LYRM4: variants seen among roughly 807,000 people sequenced by gnomAD.
LYRM4 encodes LYR motif-containing protein 4.
Under a neutral mutation model 11.7 loss-of-function variants are expected in LYRM4, and 9 were observed. The observed-to-expected ratio is 0.77, with a 90% confidence interval of 0.46 to 1.34. The LOEUF (loss-of-function observed/expected upper bound fraction) is 1.34, where lower values mean the gene tolerates loss of function less well. Among genes scored for constraint, LYRM4 ranks in the 40% most tolerant of loss-of-function variants. The pLI is 0.00. For missense variants in LYRM4, 133 were observed against 112.5 expected (o/e 1.18, Z -0.82); for synonymous variants, 42 against 40.4 (o/e 1.04, Z -0.15).
chr6:5,253,635 G>A (rs1369123032), intron 1 of LYRM4, among the ~76,000 whole-genome samples: 2 of 152,100 alleles, frequency 1.3e-5, no homozygotes, highest in Non-Finnish European at 2.9e-5. Context: ...CAAAGGAGAC[G>A]AGAGCCTTGA....
chr6:5,155,252 G>C (rs1758345406), intron 2 of LYRM4, among the ~76,000 whole-genome samples: 1 of 152,064 alleles, frequency 6.6e-6, no homozygotes, highest in Non-Finnish European at 1.5e-5. Context: ...GATAATTTTT[G>C]CATTTTTAGT....
intron 1 of LYRM4, among the ~76,000 whole-genome samples, chr6:5,231,108 A>G (rs1215764438): frequency 6.6e-6 from 1 of 152,100 alleles, no homozygotes; most frequent in Non-Finnish European, 1.5e-5. Flanking sequence ...GAAACCGTGT[A>G]TCTACTAAAA....
intron 1 of LYRM4, among the ~76,000 whole-genome samples, chr6:5,222,452 A>T (rs1294024724): frequency 6.6e-6 from 1 of 152,116 alleles, no homozygotes; most frequent in Non-Finnish European, 1.5e-5. Flanking sequence ...GTGGAGAATA[A>T]CTAGGGTACT....
the LYRM4 span, chr6:5,086,811 A>C: frequency 1.9e-6 from 1 of 529,776 alleles, no homozygotes; most frequent in Non-Finnish European, 3.3e-6. Flanking sequence ...TGACCTTCCT[A>C]CAAGGCCTCT....
At chr6:5,192,760 C>A (rs879351512) in intron 2 of LYRM4, among the ~76,000 whole-genome samples, 6 of 152,172 alleles carry the variant, frequency 3.9e-5, no homozygotes, top group Admixed American at 1.3e-4. Flanking sequence ...GCGCGGTGGC[C>A]CGCGCCTGTA....
At chr6:5,159,375 C>A (rs1165481663) in intron 2 of LYRM4, among the ~76,000 whole-genome samples, 1 of 152,136 alleles carries the variant, frequency 6.6e-6, no homozygotes, top group African/African-American at 2.4e-5. Flanking sequence ...AGGGGTGTTT[C>A]AAAAACCAGT....
chr6:5,090,973 G>C, the LYRM4 span, among the ~76,000 whole-genome samples: 1 of 152,174 alleles, frequency 6.6e-6, no homozygotes, highest in South Asian at 2.1e-4. This position sits in a 1 kb window ranked among gnomAD's most constrained non-coding sequence, Gnocchi z 4.8. Flanking sequence ...CAGCCCTAGA[G>C]AGGAAATGTG....
downstream of LYRM4, chr6:5,103,368 T>G (rs1028414930): frequency 1.3e-5 from 2 of 152,192 alleles, no homozygotes; most frequent in Non-Finnish European, 1.5e-5. Context: ...TCAGCAAATG[T>G]GTACATTCCA....
In LYRM4 at chr6:5,154,554, A is replaced by C. The variant is rs79748569; in HGVS notation, c.208-45063T>G. Among the ~76,000 whole-genome samples the C allele has an allele frequency of 7.7e-4, 117 of 152,254 alleles. 2 individuals are homozygous for C. Among genetic ancestry groups the C allele is most frequent in the East Asian group, 6.9e-3 (36 of 5,180 alleles). On this transcript the variant is annotated intron_variant, in intron 2 of 2. Transcript: ENST00000330636. ...GGATTCGGCCGGGCGCGGTGGCTCA[A>C]GCCTGTAATCCCAGGACTTTGGGAG...
At chr6:5,137,342 T>G (rs1295230485) in intron 2 of LYRM4, among the ~76,000 whole-genome samples, 1 of 152,202 alleles carries the variant, frequency 6.6e-6, no homozygotes, top group Non-Finnish European at 1.5e-5. Flanking sequence ...TCATTTCTCT[T>G]GAGTATACAT....
At chr6:5,083,817 T>A in the LYRM4 span, among the ~76,000 whole-genome samples, 1 of 152,186 alleles carries the variant, frequency 6.6e-6, no homozygotes, top group Non-Finnish European at 1.5e-5. Context: ...CCCAATTAAT[T>A]ACGTTTCTTA....
downstream of LYRM4, among the ~76,000 whole-genome samples, chr6:5,099,389 T>TTA (rs1367217784): frequency 2.4e-3 from 66 of 27,070 alleles, no homozygotes; most frequent in African/African-American, 7.5e-3. The surrounding 1 kb of genome is among the most constrained non-coding windows in gnomAD (Gnocchi z 4.3). Flanking sequence ...AAAAATCTAT[T>TTA]TCTCTATCTA....
At chr6:5,096,944 G>GACAA in the LYRM4 span, among the ~76,000 whole-genome samples, 96,311 of 151,714 alleles carry the variant, frequency 0.63, 31,364 homozygotes, top group East Asian at 0.8. Flanking sequence ...GTGCTAACCA[G>GACAA]ACAAACTGTT....
At chr6:5,165,530 T>C (rs1759027100) in intron 2 of LYRM4, among the ~76,000 whole-genome samples, 1 of 138,186 alleles carries the variant, frequency 7.2e-6, no homozygotes, top group Non-Finnish European at 1.6e-5. Context: ...GCAAGTTTAT[T>C]TTTTTTTCCT....
At chr6:5,046,137 T>C in the LYRM4 span, among the ~76,000 whole-genome samples, 1 of 152,062 alleles carries the variant, frequency 6.6e-6, no homozygotes, top group African/African-American at 2.4e-5. Flanking sequence ...ATTAGTGGCT[T>C]AAAATAATAT....
the LYRM4 span, among the ~76,000 whole-genome samples, chr6:5,080,492 G>A: frequency 1.1e-4 from 16 of 152,288 alleles, no homozygotes; most frequent in Admixed American, 2.6e-4. Context: ...GAAGCTGTAA[G>A]GCCTGGTTTT....
At chr6:5,074,979 C>T in the LYRM4 span, among the ~76,000 whole-genome samples, 87 of 152,196 alleles carry the variant, frequency 5.7e-4, 1 homozygote, top group South Asian at 3.3e-3. Context: ...TGGTGCTGTC[C>T]TCCCAATAGG....
At chr6:5,232,397 C>G (rs1408886435) in intron 1 of LYRM4, among the ~76,000 whole-genome samples, 2 of 152,202 alleles carry the variant, frequency 1.3e-5, no homozygotes, top group African/African-American at 2.4e-5. Flanking sequence ...TGGACACTTA[C>G]AGAGAGCATG....
intron 1 of LYRM4, among the ~76,000 whole-genome samples, chr6:5,248,892 C>A (rs559295998): frequency 1.2e-4 from 19 of 152,318 alleles, no homozygotes; most frequent in African/African-American, 4.1e-4. Context: ...TGGCGCAAGG[C>A]AGGTACCCAA....
Sources: allele counts gnomAD v4.1 joint callset (sites outside exome capture counted in the v4.1 genomes callset), GRCh38; gene constraint gnomAD v4.1.1; non-coding constraint Gnocchi (gnomAD v3.1); transcripts MANE v1.5; gene names NCBI Gene and HGNC (gene_info 2026-07-23, HGNC 2026-07-21).